Variants in PHACTR3 observed in about 807,000 individuals in gnomAD.
PHACTR3 encodes the protein protein phosphatase 1, regulatory subunit 123.
A neutral mutation model predicts 66.8 loss-of-function variants in PHACTR3; 16 were observed. That is an observed-to-expected ratio of 0.24 (90% CI 0.16 to 0.36). The LOEUF (loss-of-function observed/expected upper bound fraction) is 0.36. PHACTR3 is among the 10% of genes least tolerant of loss of function. PHACTR3 has a pLI of 1.00. For missense variants in PHACTR3, 647 were observed against 719.9 expected (o/e 0.90, Z 1.16); for synonymous variants, 323 against 292.1 (o/e 1.11, Z -1.08).
intron 1 of PHACTR3, among the ~76,000 whole-genome samples, chr20:59,594,000 A>G (rs1319521566): frequency 2.0e-5 from 3 of 152,222 alleles, no homozygotes; most frequent in Non-Finnish European, 4.4e-5. Context: ...TTGCCTCTCC[A>G]TATAAACCTT....
At chr20:59,633,749 A>G (rs2034752089) in intron 1 of PHACTR3, among the ~76,000 whole-genome samples, 1 of 152,128 alleles carries the variant, frequency 6.6e-6, no homozygotes, top group Admixed American at 6.6e-5. Flanking sequence ...GGAGCTGCTA[A>G]TGACATATTT....
intron 1 of PHACTR3, among the ~76,000 whole-genome samples, chr20:59,622,981 C>CAAAAAAAAAAAAAAAAAAA (rs71183177): frequency 0.018 from 579 of 32,174 alleles, 166 homozygotes; most frequent in African/African-American, 0.068. Context: ...CAGCTTTAAC[C>CAAAAAAAAAAAAAAAAAAA]AAAAAAAAAA....
chr20:59,685,408 G>T (rs1201532392), intron 1 of PHACTR3, among the ~76,000 whole-genome samples: 3 of 152,096 alleles, frequency 2.0e-5, no homozygotes, highest in Non-Finnish European at 4.4e-5. Context: ...TGTCTCTACC[G>T]CCTGCTTGCT....
At chr20:59,710,602 C>T (rs1325735938) in intron 1 of PHACTR3, among the ~76,000 whole-genome samples, 2 of 152,004 alleles carry the variant, frequency 1.3e-5, no homozygotes, top group Non-Finnish European at 2.9e-5. Context: ...AGGCACTTGA[C>T]CTCTTTCTAC....
intron 1 of PHACTR3, among the ~76,000 whole-genome samples, chr20:59,586,567 A>C (rs1284818278): frequency 1.3e-5 from 2 of 152,222 alleles, no homozygotes; most frequent in Admixed American, 6.5e-5. Flanking sequence ...GATGATAAAA[A>C]ATAAGGCGAT....
chr20:59,675,930 T>C (rs1202544280), intron 1 of PHACTR3, among the ~76,000 whole-genome samples: 6 of 152,354 alleles, frequency 3.9e-5, no homozygotes, highest in African/African-American at 1.4e-4. Flanking sequence ...TCCCCATCTG[T>C]CTGCCACCTG....
intron 1 of PHACTR3, among the ~76,000 whole-genome samples, chr20:59,686,350 T>A (rs1601100376): frequency 6.6e-6 from 1 of 152,198 alleles, no homozygotes; most frequent in East Asian, 1.9e-4. Context: ...ATCTATACAA[T>A]GGGAATAATA....
chr20:59,806,200 T>C lies in PHACTR3; in HGVS notation c.1328+6T>C, dbSNP rs1358558914. 6.2e-7 allele frequency: 1 copy of C among 1,613,392 alleles called. No homozygotes were observed. The highest frequency in any genetic ancestry group is 8.5e-7 in the Non-Finnish European group (1 of 1,179,712). On this transcript the variant is annotated splice_donor_region_variant and intron_variant, in intron 8 of 12. Coordinates refer to ENST00000371015, the MANE Select transcript of PHACTR3 (RefSeq NM_080672.5). ...ATCGAGATGAAGCTTTCCAAGTAAGTGGCAGCTTGCGGGCACAGCCGGGCC... is the reference window on the plus strand; with the variant it reads ...ATCGAGATGAAGCTTTCCAAGTAAGCGGCAGCTTGCGGGCACAGCCGGGCC...
At chr20:59,640,815 A>G (rs779753106) in intron 1 of PHACTR3, among the ~76,000 whole-genome samples, 10 of 152,184 alleles carry the variant, frequency 6.6e-5, no homozygotes, top group Non-Finnish European at 1.0e-4. Flanking sequence ...GACAAATACC[A>G]TTATCATTGC....
At chr20:59,842,408 G>C (rs1270435333) in intron 11 of PHACTR3, among the ~76,000 whole-genome samples, 3 of 152,110 alleles carry the variant, frequency 2.0e-5, no homozygotes, top group Admixed American at 2.0e-4. Flanking sequence ...TGAACGTGTT[G>C]GACTAACTTG....
intron 1 of PHACTR3, among the ~76,000 whole-genome samples, chr20:59,611,978 C>T (rs1338535202): frequency 1.3e-5 from 2 of 152,164 alleles, no homozygotes; most frequent in East Asian, 1.9e-4. Flanking sequence ...TGGAATGACA[C>T]AGGTGAGCCT....
intron 1 of PHACTR3, among the ~76,000 whole-genome samples, chr20:59,703,273 G>A (rs957571062): frequency 2.0e-5 from 3 of 152,112 alleles, no homozygotes; most frequent in Non-Finnish European, 4.4e-5. Flanking sequence ...TTTAGTCATT[G>A]GGATCACTTG....
chr20:59,637,347 G>A (rs1357380634), intron 1 of PHACTR3, among the ~76,000 whole-genome samples: 1 of 152,186 alleles, frequency 6.6e-6, no homozygotes, highest in African/African-American at 2.4e-5. Context: ...TCTGCTGTAG[G>A]TTAAAGAAAT....
chr20:59,588,266 C>T (rs1384391256), intron 1 of PHACTR3, among the ~76,000 whole-genome samples: 1 of 152,156 alleles, frequency 6.6e-6, no homozygotes, highest in African/African-American at 2.4e-5. Context: ...ACAGATTTAG[C>T]TGCAGGGTGC....
chr20:59,751,743 C>T (rs769126640), intron 3 of PHACTR3, among the ~76,000 whole-genome samples: 19 of 152,090 alleles, frequency 1.2e-4, no homozygotes, highest in Non-Finnish European at 8.8e-5. Flanking sequence ...CTGCTGGTGG[C>T]GTTATTACAT....
At chr20:59,774,144 G>A in intron 6 of PHACTR3, 99 bp from the exon 7 acceptor site, 1 of 1,455,742 alleles carries the variant, frequency 6.9e-7, no homozygotes, top group East Asian at 2.3e-5. Flanking sequence ...TGCATTTTGG[G>A]GCTGCCTCTG....
chr20:59,788,958 A>T (rs533790423), intron 7 of PHACTR3, among the ~76,000 whole-genome samples: 1 of 152,246 alleles, frequency 6.6e-6, no homozygotes, highest in African/African-American at 2.4e-5. Context: ...GTCGGCATCT[A>T]TAACAGTGTC....
chr20:59,639,230 G>A (rs1340196547), intron 1 of PHACTR3, among the ~76,000 whole-genome samples: 2 of 152,126 alleles, frequency 1.3e-5, no homozygotes, highest in Non-Finnish European at 2.9e-5. Flanking sequence ...GGAAGGACAG[G>A]TATTTGGAAG....
chr20:59,633,005 G>A (rs2034721544), intron 1 of PHACTR3, among the ~76,000 whole-genome samples: 2 of 152,144 alleles, frequency 1.3e-5, no homozygotes, highest in Admixed American at 6.5e-5. Flanking sequence ...CCCCCACCTT[G>A]ATCCTGGGGT....
Sources: allele counts gnomAD v4.1 joint callset (sites outside exome capture counted in the v4.1 genomes callset), GRCh38; gene constraint gnomAD v4.1.1; transcripts MANE v1.5; gene names NCBI Gene and HGNC (gene_info 2026-07-23, HGNC 2026-07-21).